Variants in CFAP300 observed in about 807,000 individuals in gnomAD.
CFAP300 encodes the protein cilia- and flagella-associated protein 300.
A neutral mutation model predicts 33.0 loss-of-function variants in CFAP300; 32 were observed. The ratio of observed to expected loss-of-function variants is 0.97; its 90% CI spans 0.73 to 1.30. CFAP300 has a LOEUF of 1.30. Ranked by LOEUF, CFAP300 falls within the 50% of genes most tolerant of loss-of-function variation. The pLI, the probability that CFAP300 is intolerant of heterozygous loss-of-function variation, is 0.00. For synonymous variants in CFAP300, 102 were observed against 106.8 expected, an observed-to-expected ratio of 0.95 and a Z score of 0.28; for missense variants, 356 against 318.1, an observed-to-expected ratio of 1.12 and a Z score of -0.90.
intron 2 of CFAP300, among the ~76,000 whole-genome samples, chr11:102,056,208 T>C (rs931396503): frequency 6.6e-6 from 1 of 152,202 alleles, no homozygotes; most frequent in Non-Finnish European, 1.5e-5. Context: ...TTTATTCAAC[T>C]GTTTTTTTAC....
chr11:102,061,500 T>C lies in CFAP300; in HGVS notation c.268+2545T>C, dbSNP rs1287637443. Among the ~76,000 whole-genome samples the C allele has an allele frequency of 5.9e-5, 9 of 152,204 alleles. No homozygotes were observed. The East Asian group carries it at 1.7e-3, about 29-fold the overall frequency. On this transcript the variant is annotated intron_variant, in intron 3 of 6. Transcript: ENST00000434758. ...GTTTTATCCTCTCAGCCAGCCGCCATAGCTCCTATGTTTAGATACACTTTG... is the reference window on the plus strand; with the variant it reads ...GTTTTATCCTCTCAGCCAGCCGCCACAGCTCCTATGTTTAGATACACTTTG...
intron 2 of CFAP300, among the ~76,000 whole-genome samples, chr11:102,051,278 C>T (rs1053575254): frequency 3.9e-5 from 6 of 152,026 alleles, no homozygotes; most frequent in Admixed American, 3.3e-4. Context: ...AGCTCTGGGC[C>T]CAGTATATAG....
chr11:102,061,695 G>T (rs534720400), intron 3 of CFAP300, among the ~76,000 whole-genome samples: 1 of 152,138 alleles, frequency 6.6e-6, no homozygotes, highest in African/African-American at 2.4e-5. Context: ...AGTTTTACTC[G>T]ACTGAGTGAG....
chr11:102,068,644 A>T (rs1942263648), intron 4 of CFAP300, among the ~76,000 whole-genome samples: 1 of 152,094 alleles, frequency 6.6e-6, no homozygotes, highest in African/African-American at 2.4e-5. Flanking sequence ...AAAATTAGCC[A>T]GGTGTGGTGG....
At chr11:102,056,469 C>T (rs1315218955) in intron 2 of CFAP300, among the ~76,000 whole-genome samples, 1 of 152,156 alleles carries the variant, frequency 6.6e-6, no homozygotes, top group Non-Finnish European at 1.5e-5. Context: ...CCAAAAGTTA[C>T]CAGTCTTTTT....
At chr11:102,077,970 A>G (rs924785713) in intron 5 of CFAP300, among the ~76,000 whole-genome samples, 1 of 152,082 alleles carries the variant, frequency 6.6e-6, no homozygotes, top group African/African-American at 2.4e-5. Flanking sequence ...GACTCACTGC[A>G]ACGTCTGCCT....
At chr11:102,059,681 A>G (rs61533123) in intron 3 of CFAP300, among the ~76,000 whole-genome samples, 2,069 of 152,196 alleles carry the variant, frequency 0.014, 52 homozygotes, top group African/African-American at 0.048. Flanking sequence ...GTGGGCAAGA[A>G]TGGTCAGTTC....
intron 5 of CFAP300, among the ~76,000 whole-genome samples, chr11:102,079,576 C>T (rs1162942825): frequency 2.0e-5 from 3 of 152,194 alleles, no homozygotes; most frequent in Admixed American, 6.6e-5. Context: ...CATACATACA[C>T]ACACACCGCT....
chr11:102,074,337 G>A lies in CFAP300; in HGVS notation c.436-1536G>A, dbSNP rs1035031522. On this transcript the variant is annotated intron_variant, in intron 4 of 6. Transcript: ENST00000434758. ...GAGGGTTGAGGAGCTCTCCCATGGT[G>A]AGGATTGCAGGAGTCCACAGTAGAA... Among the ~76,000 whole-genome samples the A allele has an allele frequency of 1.4e-4, 21 of 152,268 alleles. No individual in the cohort carries two copies. The East Asian group carries it at 3.5e-3, about 25-fold the overall frequency.
At chr11:102,065,547 A>G (rs1305864512) in intron 3 of CFAP300, among the ~76,000 whole-genome samples, 1 of 152,044 alleles carries the variant, frequency 6.6e-6, no homozygotes, top group South Asian at 2.1e-4. Context: ...CGGGCGGATC[A>G]CCTAAGGTCG....
chr11:102,052,602 C>T (rs1941987853), intron 2 of CFAP300, among the ~76,000 whole-genome samples: 1 of 152,206 alleles, frequency 6.6e-6, no homozygotes, highest in Non-Finnish European at 1.5e-5. Context: ...ATAATGTAGA[C>T]ATTTGTAAAT....
At chr11:102,070,221 G>A (rs912557288) in intron 4 of CFAP300, among the ~76,000 whole-genome samples, 2 of 152,142 alleles carry the variant, frequency 1.3e-5, no homozygotes, top group Non-Finnish European at 2.9e-5. Context: ...AGTATGGACT[G>A]CTTTCCCTTA....
At chr11:102,078,679 C>A (rs1322578477) in intron 5 of CFAP300, among the ~76,000 whole-genome samples, 1 of 152,014 alleles carries the variant, frequency 6.6e-6, no homozygotes, top group Non-Finnish European at 1.5e-5. Flanking sequence ...ATGGTGGTTT[C>A]TTTCTAAAAC....
chr11:102,083,229 T>G lies in CFAP300; in HGVS notation c.*30T>G. On this transcript the variant is annotated 3_prime_UTR_variant, in exon 7 of 7. Coordinates refer to ENST00000434758, the MANE Select transcript of CFAP300 (RefSeq NM_032930.3). ...CTTTCAGATTATGTACCTCTACTATTTTGTATTTATCATTTTTCTATCTTA... is the reference window on the plus strand; with the variant it reads ...CTTTCAGATTATGTACCTCTACTATGTTGTATTTATCATTTTTCTATCTTA... 2.2e-6 allele frequency: 3 copies of G among 1,368,130 alleles called. No individual in the cohort carries two copies. Among genetic ancestry groups the G allele is most frequent in the Non-Finnish European group, 2.9e-6 (3 of 1,040,624 alleles). 84.7% of individuals were successfully genotyped at this position (1,368,130 alleles called of 1,614,324 possible). A position where few individuals can be genotyped will look rare whatever the true frequency, so the allele number is the denominator to read the frequency against.
At chr11:102,057,354 GAAAA>G (rs1942075853) in intron 2 of CFAP300, among the ~76,000 whole-genome samples, 1 of 143,830 alleles carries the variant, frequency 7.0e-6, no homozygotes, top group Non-Finnish European at 1.5e-5. Flanking sequence ...AAAAAAAAAA[GAAAA>G]AAAGAAAACT....
At position 102,084,200 on chromosome 11, in the gene CFAP300, A is replaced by T. The variant is rs1232870821; in HGVS notation, c.*1001A>T. On this transcript the variant is annotated 3_prime_UTR_variant, in exon 7 of 7. Transcript: ENST00000434758. ...GTACTGTTCCTTATTTCATTCATAG[A>T]ATGAATGTATAACCTAGATTGTTTT... The T allele has an allele frequency of 6.6e-6, 1 of 152,218 alleles. No individual in the cohort carries two copies. Among genetic ancestry groups the T allele is most frequent in the Non-Finnish European group, 1.5e-5 (1 of 68,034 alleles). 9.4% of individuals were successfully genotyped at this position (152,218 alleles called of 1,614,324 possible).
At chr11:102,059,281 A>ATGTGTGTGTGTGTGTG (rs55657614) in intron 3 of CFAP300, among the ~76,000 whole-genome samples, 1 of 148,560 alleles carries the variant, frequency 6.7e-6, no homozygotes, top group Non-Finnish European at 1.5e-5. Context: ...ATATGTTAAA[A>ATGTGTGTGTGTGTGTG]TGTGTGTGTG....
At chr11:102,065,337 C>T (rs1371542201) in intron 3 of CFAP300, among the ~76,000 whole-genome samples, 1 of 151,972 alleles carries the variant, frequency 6.6e-6, no homozygotes, top group Non-Finnish European at 1.5e-5. Context: ...AACTCCTGAC[C>T]TCAAGTGATC....
At chr11:102,075,524 G>A (rs1202118548) in intron 4 of CFAP300, among the ~76,000 whole-genome samples, 2 of 152,210 alleles carry the variant, frequency 1.3e-5, no homozygotes, top group African/African-American at 4.8e-5. Flanking sequence ...ATGGGATGGA[G>A]AAGTGTCCTC....
Sources: allele counts gnomAD v4.1 joint callset (sites outside exome capture counted in the v4.1 genomes callset), GRCh38; gene constraint gnomAD v4.1.1; transcripts MANE v1.5; gene names NCBI Gene and HGNC (gene_info 2026-07-23, HGNC 2026-07-21).